KCNK2: variants seen among roughly 807,000 people sequenced by gnomAD.
KCNK2 encodes the protein potassium two pore domain channel subfamily K member 2, also known as potassium channel subfamily K member 2.
In KCNK2, 21 loss-of-function variants were observed where a neutral mutation model predicts 40.5. The ratio of observed to expected loss-of-function variants is 0.52; its 90% CI spans 0.37 to 0.75. The LOEUF is 0.75. KCNK2 is among the 30% of genes least tolerant of loss of function. KCNK2 has a pLI of 0.00. For synonymous variants in KCNK2, 191 were observed against 202.2 expected, an observed-to-expected ratio of 0.94 and a Z score of 0.47; for missense variants, 399 against 531.6, an observed-to-expected ratio of 0.75 and a Z score of 2.45.
chr1:215,131,051 G>A (rs917821404), intron 3 of KCNK2, among the ~76,000 whole-genome samples: 3 of 150,710 alleles, frequency 2.0e-5, no homozygotes, highest in Non-Finnish European at 3.0e-5. Flanking sequence ...TAGTAGAGAC[G>A]GGGTTTCACC....
intron 3 of KCNK2, among the ~76,000 whole-genome samples, chr1:215,141,329 G>T (rs938049183): frequency 1.1e-4 from 16 of 152,168 alleles, no homozygotes; most frequent in African/African-American, 3.9e-4. Flanking sequence ...TGTACGTGCT[G>T]TACTTTTATA....
At chr1:215,044,795 ATGTG>A (rs150179184) in intron 1 of KCNK2, among the ~76,000 whole-genome samples, 28 of 145,728 alleles carry the variant, frequency 1.9e-4, no homozygotes, top group Admixed American at 6.1e-4. Context: ...GGATAAGTGT[ATGTG>A]TGTGTGTGTG....
chr1:215,082,613 G>A (rs1189683537), upstream of KCNK2, among the ~76,000 whole-genome samples: 1 of 152,060 alleles, frequency 6.6e-6, no homozygotes, highest in Non-Finnish European at 1.5e-5. Context: ...AGGATCTTTA[G>A]AAGGGAGCAT....
intron 3 of KCNK2, among the ~76,000 whole-genome samples, chr1:215,131,059 A>C (rs973865408): frequency 6.6e-6 from 1 of 150,604 alleles, no homozygotes; most frequent in African/African-American, 2.4e-5. Context: ...ACGGGGTTTC[A>C]CCGTGTTAGC....
chr1:215,032,635 A>T (rs1381354588), intron 1 of KCNK2, among the ~76,000 whole-genome samples: 1 of 152,098 alleles, frequency 6.6e-6, no homozygotes. Flanking sequence ...CTTTTGAAGG[A>T]TAATTTCCCA....
At chr1:215,064,391 A>C (rs77235125) in intron 1 of KCNK2, among the ~76,000 whole-genome samples, 9,799 of 152,020 alleles carry the variant, frequency 0.064, 862 homozygotes, top group African/African-American at 0.2. Context: ...CAACCAAAAA[A>C]ATTTAAACAA....
chr1:215,123,438 A>G (rs1011771442), intron 2 of KCNK2, among the ~76,000 whole-genome samples: 3 of 151,856 alleles, frequency 2.0e-5, no homozygotes, highest in Admixed American at 2.0e-4. Context: ...TATCACTGTT[A>G]AAGTAAATAA....
intron 1 of KCNK2, among the ~76,000 whole-genome samples, chr1:215,010,866 TTTTGTG>T (rs1250127989): frequency 3.6e-4 from 51 of 142,800 alleles, no homozygotes; most frequent in South Asian, 9.2e-4. Context: ...TTTTTTTTTT[TTTTGTG>T]TGTGTGTGTG....
At chr1:215,052,994 G>A (rs1386517685) in intron 1 of KCNK2, among the ~76,000 whole-genome samples, 3 of 152,062 alleles carry the variant, frequency 2.0e-5, no homozygotes, top group Admixed American at 2.0e-4. Flanking sequence ...TGAGCAATAA[G>A]TTACTCATTT....
intron 1 of KCNK2, among the ~76,000 whole-genome samples, chr1:215,017,965 C>A (rs529543550): frequency 6.6e-6 from 1 of 152,046 alleles, no homozygotes; most frequent in African/African-American, 2.4e-5. Context: ...AAATAACACA[C>A]ATCAAGTATT....
Position 215,225,685 on chromosome 1 carries a change from T to C in KCNK2, c.964-9143T>C, listed in dbSNP as rs544919545. ...GTCTGGTCTATTCAAATTACCATGT[T>C]GGGTACTTTTATGAGGAGAAGAAAT... On this transcript the variant is annotated intron_variant, in intron 6 of 6. Coordinates refer to ENST00000444842, the MANE Select transcript of KCNK2 (RefSeq NM_001017425.3). Among the ~76,000 whole-genome samples the C allele has an allele frequency of 6.5e-3, 983 of 152,350 alleles. 6 individuals carry two copies. Among genetic ancestry groups the C allele is most frequent in the Admixed American group, 0.011 (168 of 15,298 alleles).
At chr1:215,044,826 T>TGGGC (rs142895602) in intron 1 of KCNK2, among the ~76,000 whole-genome samples, 1 of 140,590 alleles carries the variant, frequency 7.1e-6, no homozygotes, top group Non-Finnish European at 1.5e-5. Context: ...TGTGTGTGTG[T>TGGGC]GCGCGCGCAC....
At chr1:215,173,319 A>G (rs1309468499) in intron 5 of KCNK2, among the ~76,000 whole-genome samples, 2 of 152,180 alleles carry the variant, frequency 1.3e-5, no homozygotes, top group Non-Finnish European at 2.9e-5. Flanking sequence ...TTATGGCTGC[A>G]TAGTATTCCA....
At chr1:215,060,389 G>A (rs1571876735) in intron 1 of KCNK2, among the ~76,000 whole-genome samples, 1 of 152,224 alleles carries the variant, frequency 6.6e-6, no homozygotes, top group East Asian at 1.9e-4. Context: ...CAAGAGATGA[G>A]GTAAATATTT....
chr1:215,198,655 T>C lies in KCNK2; in HGVS notation c.963+3563T>C, dbSNP rs556744214. ...CTCAATAGATATTCCTTACTTTCCA[T>C]GCCCAAGTCATTCTGGGCGCTGTTA... On this transcript the variant is annotated intron_variant, in intron 6 of 6. Transcript: ENST00000444842. Among the ~76,000 whole-genome samples, 79 of 152,316 alleles carry C rather than the reference T, an allele frequency of 5.2e-4. 1 individual carries two copies. The highest frequency in any genetic ancestry group is 1.2e-3 in the South Asian group (6 of 4,830).
At chr1:215,213,296 G>T (rs78631183) in intron 6 of KCNK2, among the ~76,000 whole-genome samples, 2,199 of 152,214 alleles carry the variant, frequency 0.014, 52 homozygotes, top group African/African-American at 0.049. Flanking sequence ...TTTTAAATAA[G>T]CAGATTAAAC....
chr1:215,215,855 A>G (rs1194113464), intron 6 of KCNK2, among the ~76,000 whole-genome samples: 1 of 151,992 alleles, frequency 6.6e-6, no homozygotes, highest in East Asian at 1.9e-4. Context: ...AAGCCCCTGC[A>G]CTCTTCTGGG....
At position 215,235,252 on chromosome 1, in the gene KCNK2, G is replaced by T; in HGVS notation, c.*107G>T. The T allele has an allele frequency of 1.2e-6, 1 of 858,070 alleles. No individual in the cohort carries two copies. The highest frequency in any genetic ancestry group is 1.8e-6 in the Non-Finnish European group (1 of 559,110). 53.2% of individuals were successfully genotyped at this position (858,070 alleles called of 1,614,324 possible). A position where few individuals can be genotyped will look rare whatever the true frequency, so the allele number is the denominator to read the frequency against. ...TAAATTGTGCATGAGCTCAAAGGGG[G>T]AACAAAATAGATACACCCATCATGG... On this transcript the variant is annotated 3_prime_UTR_variant, in exon 7 of 7. Transcript: ENST00000444842.
chr1:215,037,227 T>A (rs984127304), intron 1 of KCNK2, among the ~76,000 whole-genome samples: 6 of 151,882 alleles, frequency 4.0e-5, no homozygotes. Flanking sequence ...TGAGAGCTTT[T>A]TCTTTGTGAT....
Sources: gnomAD v4.1 joint callset for allele counts (sites outside exome capture counted in the v4.1 genomes callset) on GRCh38, gnomAD v4.1.1 for gene constraint, MANE v1.5 for transcripts, NCBI Gene and HGNC (gene_info 2026-07-23, HGNC 2026-07-21) for gene names.